GRIP1: variants seen among roughly 807,000 people sequenced by gnomAD.
GRIP1 encodes the protein glutamate receptor-interacting protein 1.
A neutral mutation model predicts 129.9 loss-of-function variants in GRIP1; 45 were observed. The ratio of observed to expected loss-of-function variants is 0.35; its 90% CI spans 0.27 to 0.44. The LOEUF (loss-of-function observed/expected upper bound fraction) is 0.44, where lower values mean the gene tolerates loss of function less well. GRIP1 is among the 20% of genes least tolerant of loss of function. The pLI is 1.00. For synonymous variants in GRIP1, 530 were observed against 520.8 expected (o/e 1.02, Z -0.24); for missense variants, 1,196 against 1,396.8 (o/e 0.86, Z 2.29).
chr12:66,533,576 T>G (rs1420870165), intron 4 of GRIP1, among the ~76,000 whole-genome samples: 1 of 151,918 alleles, frequency 6.6e-6, no homozygotes, highest in Non-Finnish European at 1.5e-5. Flanking sequence ...ATCTGAGAGG[T>G]GGAGGTTGCA....
intron 7 of GRIP1, among the ~76,000 whole-genome samples, chr12:66,497,813 CCT>C (rs1364652668): frequency 1.3e-5 from 2 of 152,154 alleles, no homozygotes; most frequent in Admixed American, 1.3e-4. Flanking sequence ...CATCGCATCC[CCT>C]GTGACTTGCA....
intron 11 of GRIP1, among the ~76,000 whole-genome samples, chr12:66,446,548 A>C (rs1259795670): frequency 6.6e-6 from 1 of 152,144 alleles, no homozygotes; most frequent in African/African-American, 2.4e-5. Flanking sequence ...CATTGATTCA[A>C]CTACTCCTAT....
intron 1 of GRIP1, among the ~76,000 whole-genome samples, chr12:66,817,816 T>C (rs1013359558): frequency 3.3e-5 from 5 of 152,230 alleles, no homozygotes; most frequent in Non-Finnish European, 7.3e-5. Context: ...TTTCTCAAAT[T>C]AAAAAATGCC....
chr12:67,011,411 C>T (rs887442388), intron 1 of GRIP1, among the ~76,000 whole-genome samples: 1 of 152,162 alleles, frequency 6.6e-6, no homozygotes, highest in Non-Finnish European at 1.5e-5. Flanking sequence ...AGGAAAAGAA[C>T]GCTGTTTTTA....
chr12:66,964,809 TA>T (rs1481560574), intron 1 of GRIP1, among the ~76,000 whole-genome samples: 1 of 152,132 alleles, frequency 6.6e-6, no homozygotes, highest in Non-Finnish European at 1.5e-5. Context: ...GCTATAAGCC[TA>T]AGATCAAGGG....
chr12:66,997,315 A>G (rs2042482339), intron 1 of GRIP1, among the ~76,000 whole-genome samples: 1 of 152,024 alleles, frequency 6.6e-6, no homozygotes, highest in Non-Finnish European at 1.5e-5. Context: ...GCCACAGCAC[A>G]TGTCTGTAAT....
chr12:66,445,072 T>C (rs1488355160), intron 12 of GRIP1, among the ~76,000 whole-genome samples: 1 of 152,250 alleles, frequency 6.6e-6, no homozygotes, highest in Non-Finnish European at 1.5e-5. Flanking sequence ...GTTTATTTTA[T>C]GGATTTTTCT....
chr12:66,367,618 G>A (rs2055229301), intron 23 of GRIP1, among the ~76,000 whole-genome samples: 2 of 152,214 alleles, frequency 1.3e-5, no homozygotes, highest in South Asian at 4.1e-4. Context: ...AGTCAGCTTA[G>A]TGAGATTAGC....
chr12:66,648,949 T>G (rs2032578706), intron 1 of GRIP1, among the ~76,000 whole-genome samples: 1 of 152,198 alleles, frequency 6.6e-6, no homozygotes, highest in South Asian at 2.1e-4. Flanking sequence ...ATAAACAAGT[T>G]TATTTGGTGA....
chr12:66,767,792 G>A (rs1015437968), intron 1 of GRIP1, among the ~76,000 whole-genome samples: 42 of 152,098 alleles, frequency 2.8e-4, no homozygotes, highest in African/African-American at 9.7e-4. Context: ...TGTCCACCAT[G>A]GACATAACAT....
At chr12:67,034,310 T>C (rs1044234843) in intron 1 of GRIP1, among the ~76,000 whole-genome samples, 3 of 152,202 alleles carry the variant, frequency 2.0e-5, no homozygotes, top group Admixed American at 2.0e-4. Flanking sequence ...ATGACTTCTA[T>C]TTCCTAATCA....
chr12:66,785,763 C>T (rs1048848484), intron 1 of GRIP1, among the ~76,000 whole-genome samples: 6 of 152,006 alleles, frequency 3.9e-5, no homozygotes, highest in Non-Finnish European at 2.9e-5. Flanking sequence ...GATTATCAGA[C>T]AATCACACAC....
intron 1 of GRIP1, among the ~76,000 whole-genome samples, chr12:66,710,872 T>C (rs753741637): frequency 6.6e-6 from 1 of 151,952 alleles, no homozygotes; most frequent in Non-Finnish European, 1.5e-5. Flanking sequence ...AATGCTCTTA[T>C]AGAGGAATCT....
intron 1 of GRIP1, among the ~76,000 whole-genome samples, chr12:66,972,890 C>T (rs943841844): frequency 2.6e-5 from 4 of 152,170 alleles, no homozygotes; most frequent in African/African-American, 9.7e-5. Context: ...GCTTTTAGGG[C>T]CGCCTTCACA....
intron 2 of GRIP1, among the ~76,000 whole-genome samples, chr12:66,556,254 C>T (rs1282553506): frequency 6.6e-6 from 1 of 151,962 alleles, no homozygotes; most frequent in Non-Finnish European, 1.5e-5. Context: ...ATCTTACAGG[C>T]CAGGAGAGCG....
rs546775368 is a variant in GRIP1 at position 66,493,088 on chromosome 12, T to G, written c.724+22531A>C. Among the ~76,000 whole-genome samples, 3 of 152,250 alleles carry G rather than the reference T, an allele frequency of 2.0e-5. No homozygotes were observed. In the South Asian group the frequency reaches 6.2e-4, roughly 32 times the overall value. ...AATTACTGTTTAATATGCCTTACAT[T>G]TTTATAGTGAGTTTACAAAGTGCTT... On this transcript the variant is annotated intron_variant, in intron 7 of 24. Transcript: ENST00000359742.
chr12:66,467,561 A>G (rs1019127275), intron 7 of GRIP1, among the ~76,000 whole-genome samples: 2 of 152,172 alleles, frequency 1.3e-5, no homozygotes, highest in South Asian at 4.1e-4. Context: ...AATCCTTGTT[A>G]GTCCCCGCAG....
intron 1 of GRIP1, among the ~76,000 whole-genome samples, chr12:66,876,314 A>C (rs2040382707): frequency 6.6e-6 from 1 of 151,928 alleles, no homozygotes; most frequent in South Asian, 2.1e-4. Flanking sequence ...CTCTCCTCTA[A>C]AAAATGCTTA....
chr12:66,586,850 GTCT>G (rs1368203371), intron 2 of GRIP1, among the ~76,000 whole-genome samples: 5 of 152,062 alleles, frequency 3.3e-5, no homozygotes, highest in Admixed American at 1.3e-4. Flanking sequence ...CTGCTAACTG[GTCT>G]TCTTGTTTCC....
Sources: gnomAD v4.1 joint callset for allele counts (sites outside exome capture counted in the v4.1 genomes callset) on GRCh38, gnomAD v4.1.1 for gene constraint, MANE v1.5 for transcripts, NCBI Gene and HGNC (gene_info 2026-07-23, HGNC 2026-07-21) for gene names.